The following DDB2 variants were observed in gnomAD, a reference collection of about 807,000 sequenced individuals.
DDB2 encodes DNA damage-binding protein 2.
A neutral mutation model predicts 50.5 loss-of-function variants in DDB2; 27 were observed. The ratio of observed to expected loss-of-function variants is 0.53; its 90% CI spans 0.39 to 0.74. The LOEUF (loss-of-function observed/expected upper bound fraction) is 0.74, where lower values mean the gene tolerates loss of function less well. Ranked by LOEUF, DDB2 falls within the 30% of genes least tolerant of loss-of-function variation. The pLI, the probability that DDB2 is intolerant of heterozygous loss-of-function variation, is 0.00. For synonymous variants in DDB2, 176 were observed against 205.5 expected (o/e 0.86, Z 1.23); for missense variants, 424 against 545.6 (o/e 0.78, Z 2.22).
chr11:47,234,410 A>G (rs1234718531), intron 4 of DDB2, among the ~76,000 whole-genome samples, 163 bp from the exon 5 acceptor site: 1 of 152,140 alleles, frequency 6.6e-6, no homozygotes, highest in Non-Finnish European at 1.5e-5. Flanking sequence ...ACGGTAGAGC[A>G]GTCTGAATGT....
chr11:47,228,138 C>CA (rs35908583), intron 3 of DDB2, among the ~76,000 whole-genome samples: 1,718 of 56,994 alleles, frequency 0.03, 31 homozygotes, highest in African/African-American at 0.048. Context: ...GGCTCTGTCT[C>CA]AAAAAAAAAA....
upstream of DDB2, chr11:47,214,685 C>T: frequency 4.1e-6 from 1 of 246,120 alleles, no homozygotes; most frequent in Non-Finnish European, 8.1e-6. Flanking sequence ...GTGGGAGGAT[C>T]GCTTGAGCCC....
chr11:47,233,218 C>T (rs1953674212), intron 4 of DDB2: 2 of 521,820 alleles, frequency 3.8e-6, no homozygotes, highest in Non-Finnish European at 7.0e-6. Context: ...GGACCTTGAC[C>T]CTCACTAGAT....
intron 3 of DDB2, among the ~76,000 whole-genome samples, chr11:47,225,761 G>A (rs1953549196): frequency 3.3e-5 from 5 of 152,202 alleles, no homozygotes; most frequent in Admixed American, 3.3e-4. Context: ...CACTGAACAA[G>A]CCTCCACTTC....
chr11:47,223,091 T>C (rs1953508927), intron 3 of DDB2, among the ~76,000 whole-genome samples: 1 of 152,258 alleles, frequency 6.6e-6, no homozygotes, highest in African/African-American at 2.4e-5. Flanking sequence ...GTTCACAGTT[T>C]TTAAAATTAT....
At chr11:47,228,977 ATATCTATCTATCTATCTATCTATCTATC>A (rs59098720) in intron 3 of DDB2, among the ~76,000 whole-genome samples, 3 of 124,660 alleles carry the variant, frequency 2.4e-5, no homozygotes, top group African/African-American at 8.8e-5. Context: ...AAAAAAAGAA[ATATCTATCTATCTATCTATCTATCTATC>A]TATCTATCTA....
At chr11:47,238,302 A>T in intron 9 of DDB2, 119 bp downstream of exon 9, 1 of 928,370 alleles carries the variant, frequency 1.1e-6, no homozygotes, top group Non-Finnish European at 1.7e-6. Flanking sequence ...CCCACGAAGA[A>T]GATGGCTGGG....
intron 7 of DDB2, 68 bp from the exon 8 acceptor site, chr11:47,237,769 T>G: frequency 6.6e-7 from 1 of 1,507,710 alleles, no homozygotes; most frequent in East Asian, 2.3e-5. Flanking sequence ...TTTGTTCATA[T>G]TTGTTTTTGA....
At position 47,239,129 on chromosome 11, in the gene DDB2, T is replaced by C; in HGVS notation, c.*280T>C. On this transcript the variant is annotated 3_prime_UTR_variant, in exon 10 of 10. Transcript: ENST00000256996. ...GGTTATCTTGGAACTAAATGACTTTTCTCCTCTCAGTGGGTGGTAGCAGAG... is the reference window on the plus strand; with the variant it reads ...GGTTATCTTGGAACTAAATGACTTTCCTCCTCTCAGTGGGTGGTAGCAGAG... 2.1e-6 allele frequency: 1 copy of C among 467,768 alleles called. No individual in the cohort carries two copies. Among genetic ancestry groups the C allele is most frequent in the Non-Finnish European group, 4.0e-6 (1 of 253,096 alleles). 29.0% of individuals were successfully genotyped at this position (467,768 alleles called of 1,614,324 possible).
intron 3 of DDB2, among the ~76,000 whole-genome samples, chr11:47,230,702 T>C (rs1218076886): frequency 3.9e-5 from 6 of 152,134 alleles, no homozygotes; most frequent in African/African-American, 1.4e-4. Flanking sequence ...AGCTAAGTGG[T>C]TGTTGCATAG....
chr11:47,216,225 G>A (rs1953398512), intron 1 of DDB2, 111 bp from the exon 2 acceptor site: 2 of 1,520,742 alleles, frequency 1.3e-6, no homozygotes, highest in Non-Finnish European at 9.1e-7. Flanking sequence ...CGCAGGAGGT[G>A]ATGAGACAGA....
chr11:47,219,922 G>A (rs1244479690), intron 3 of DDB2, among the ~76,000 whole-genome samples: 1 of 152,078 alleles, frequency 6.6e-6, no homozygotes, highest in Non-Finnish European at 1.5e-5. Flanking sequence ...GAAGTAGCTG[G>A]GACTACTGGT....
At chr11:47,233,806 G>A (rs1167823512) in intron 4 of DDB2, among the ~76,000 whole-genome samples, 2 of 152,182 alleles carry the variant, frequency 1.3e-5, no homozygotes, top group Non-Finnish European at 2.9e-5. Flanking sequence ...TGAGGGTGCT[G>A]GGGTGTAACT....
intron 3 of DDB2, chr11:47,220,816 T>C (rs1484006046): frequency 6.6e-6 from 1 of 152,198 alleles, no homozygotes; most frequent in Non-Finnish European, 1.5e-5. Context: ...CAAGGGAACA[T>C]GTATTACAGT....
At chr11:47,226,734 CTTT>C (rs542832519) in intron 3 of DDB2, among the ~76,000 whole-genome samples, 50 of 124,638 alleles carry the variant, frequency 4.0e-4, no homozygotes, top group Middle Eastern at 4.0e-3. Context: ...AGTCCTTTGC[CTTT>C]TTTTTTTTTT....
intron 3 of DDB2, among the ~76,000 whole-genome samples, chr11:47,220,926 G>A (rs765583709): frequency 6.6e-6 from 1 of 152,144 alleles, no homozygotes; most frequent in Admixed American, 6.6e-5. Context: ...TTGGGAGGCC[G>A]AGGCGGGTGG....
chr11:47,224,292 A>G (rs542412682), intron 3 of DDB2, among the ~76,000 whole-genome samples: 30 of 152,138 alleles, frequency 2.0e-4, no homozygotes, highest in African/African-American at 6.7e-4. Flanking sequence ...CAGTGCCACA[A>G]TCTCGGCTCA....
rs1953379571 is a variant in DDB2 at position 47,215,021 on chromosome 11, G to C, written c.-116G>C. 2 of 1,510,864 alleles carry C rather than the reference G, an allele frequency of 1.3e-6. No homozygotes were observed. 93.6% of individuals were successfully genotyped at this position (1,510,864 alleles called of 1,614,324 possible). A position where few individuals can be genotyped will look rare whatever the true frequency, so the allele number is the denominator to read the frequency against. On this transcript the variant is annotated 5_prime_UTR_variant, in exon 1 of 10. Coordinates refer to ENST00000256996, the MANE Select transcript of DDB2 (RefSeq NM_000107.3). ...GTTTGGCGGGAAGTTGGCTTAGCTC[G>C]GCTACCTGTGGCCCCGCAGTTTTGT...
chr11:47,233,709 CAAA>C (rs10544942), intron 4 of DDB2, among the ~76,000 whole-genome samples: 101 of 140,492 alleles, frequency 7.2e-4, no homozygotes, highest in Middle Eastern at 3.6e-3. Flanking sequence ...AAATCTATCT[CAAA>C]AAAAAAAAAA....
Sources: gnomAD v4.1 joint callset for allele counts (sites outside exome capture counted in the v4.1 genomes callset) on GRCh38, gnomAD v4.1.1 for gene constraint, MANE v1.5 for transcripts, NCBI Gene and HGNC (gene_info 2026-07-23, HGNC 2026-07-21) for gene names.